TOM1L1: variants seen among roughly 807,000 people sequenced by gnomAD.
The protein encoded by TOM1L1 is TOM1-like protein 1.
Under a neutral mutation model 63.4 loss-of-function variants are expected in TOM1L1, and 64 were observed. That is an observed-to-expected ratio of 1.01 (90% CI 0.83 to 1.24). The LOEUF is 1.24. Ranked by LOEUF, TOM1L1 falls within the 50% of genes most tolerant of loss-of-function variation. The pLI is 0.00. For synonymous variants in TOM1L1, 166 were observed against 194.4 expected, an observed-to-expected ratio of 0.85 and a Z score of 1.22; for missense variants, 536 against 567.0, an observed-to-expected ratio of 0.95 and a Z score of 0.55.
At chr17:54,918,138 A>G (rs540053550) in intron 7 of TOM1L1, among the ~76,000 whole-genome samples, 6 of 152,262 alleles carry the variant, frequency 3.9e-5, no homozygotes, top group African/African-American at 1.4e-4. Context: ...GGCAGTACTC[A>G]CTGTGGGCAA....
chr17:54,927,542 A>T (rs2048788427), intron 7 of TOM1L1, among the ~76,000 whole-genome samples: 1 of 152,190 alleles, frequency 6.6e-6, no homozygotes, highest in East Asian at 1.9e-4. Flanking sequence ...TTTTGAATTG[A>T]TTGTTAAATT....
chr17:54,958,558 CT>C (rs2077014372), intron 14 of TOM1L1: 1 of 152,242 alleles, frequency 6.6e-6, no homozygotes, highest in Admixed American at 6.6e-5. Flanking sequence ...TGGCAAAACC[CT>C]GTCTCTACTA....
intron 10 of TOM1L1, 57 bp downstream of exon 10, chr17:54,937,283 C>A: frequency 1.5e-6 from 2 of 1,319,068 alleles, no homozygotes; most frequent in Non-Finnish European, 2.2e-6. Context: ...TTAAACAGTT[C>A]TCCTTAATTA....
At chr17:54,910,211 T>C (rs1335816131) in intron 3 of TOM1L1, among the ~76,000 whole-genome samples, 2 of 152,200 alleles carry the variant, frequency 1.3e-5, no homozygotes, top group African/African-American at 4.8e-5. Flanking sequence ...ATCCCAGCAC[T>C]TTGGGAGGCC....
chr17:54,935,783 GT>G (rs1425579241), intron 8 of TOM1L1, among the ~76,000 whole-genome samples: 2 of 152,062 alleles, frequency 1.3e-5, no homozygotes, highest in Non-Finnish European at 2.9e-5. Flanking sequence ...TTAAATCAGA[GT>G]TGTAGAAGGT....
rs1313282067 is a variant in TOM1L1 at position 54,961,237 on chromosome 17, G to T, written c.*4G>T. The T allele has an allele frequency of 2.6e-6, 4 of 1,532,420 alleles. No individual in the cohort carries two copies. The highest frequency in any genetic ancestry group is 3.5e-6 in the Non-Finnish European group (4 of 1,129,520). 94.9% of individuals were successfully genotyped at this position (1,532,420 alleles called of 1,614,324 possible). ...CCATTTTCTTCTCTTTATTTTAGAA[G>T]AAAGTGGATGATCAGCTCACTACCA... On this transcript the variant is annotated splice_region_variant and 3_prime_UTR_variant, in exon 16 of 16. Transcript: ENST00000575882.
At chr17:54,926,692 C>T (rs936903355) in intron 7 of TOM1L1, among the ~76,000 whole-genome samples, 5 of 151,736 alleles carry the variant, frequency 3.3e-5, no homozygotes, top group African/African-American at 9.7e-5. Flanking sequence ...TCCTCCCAGA[C>T]CATTCTTGTC....
chr17:54,937,145 C>G lies in TOM1L1; in HGVS notation c.952C>G (p.Leu318Val). The change falls in exon 10 of 16, where the codon CTC becomes GTC. Residue 318 changes from leucine (L) to valine (V), a missense_variant. Transcript: ENST00000575882. Reference protein sequence around the residue: ...SEPSAPSQDLLDLSPSPRMPR... With the variant: ...SEPSAPSQDLVDLSPSPRMPR... ...GCCTTCTGCCCCATCTCAAGATCTC[C>G]TCGACCTAAGTCCCAGTCCCCGGAT... 1 of 1,613,680 alleles carries G rather than the reference C, an allele frequency of 6.2e-7. No individual in the cohort carries two copies. The highest frequency in any genetic ancestry group is 8.5e-7 in the Non-Finnish European group (1 of 1,179,960).
chr17:54,922,535 C>A lies in TOM1L1; in HGVS notation c.720+6673C>A, dbSNP rs142514245. Among the ~76,000 whole-genome samples, 41 of 151,880 alleles carry A rather than the reference C, an allele frequency of 2.7e-4. No homozygotes were observed. In the East Asian group the frequency reaches 6.2e-3, roughly 23 times the overall value. On this transcript the variant is annotated intron_variant, in intron 7 of 15. Transcript: ENST00000575882. The stretch of plus-strand genomic sequence containing the variant: ...GGAGGATCGCTTGAACCTGGGAGGT[C>A]GAGGCTGCAGTAAACCGTGATTGCA...
intron 1 of TOM1L1, among the ~76,000 whole-genome samples, chr17:54,902,202 T>A (rs1159989499): frequency 1.3e-5 from 2 of 152,246 alleles, no homozygotes; most frequent in Non-Finnish European, 2.9e-5. Context: ...GAATTCTGCG[T>A]GGCTTTTGAA....
At chr17:54,947,800 A>G (rs1011503738) in intron 12 of TOM1L1, among the ~76,000 whole-genome samples, 1 of 152,128 alleles carries the variant, frequency 6.6e-6, no homozygotes, top group Non-Finnish European at 1.5e-5. Context: ...AGACTTTTCT[A>G]TCTACATTCA....
chr17:54,946,410 T>G (rs2049119896), intron 11 of TOM1L1, among the ~76,000 whole-genome samples: 1 of 152,198 alleles, frequency 6.6e-6, no homozygotes, highest in Non-Finnish European at 1.5e-5. Flanking sequence ...TCCTTGACTA[T>G]GCTTATGTCT....
intron 1 of TOM1L1, among the ~76,000 whole-genome samples, chr17:54,901,937 A>G (rs1266788316): frequency 6.6e-6 from 1 of 152,008 alleles, no homozygotes; most frequent in African/African-American, 2.4e-5. Flanking sequence ...CCAAGCAGAA[A>G]TGGATTCAGA....
chr17:54,950,066 A>T lies in TOM1L1; in HGVS notation c.1310A>T (p.Gln437Leu). Reference protein sequence around the residue: ...NHPAMTKSDLQPPNYYEVMEF... With the variant: ...NHPAMTKSDLLPPNYYEVMEF... The stretch of plus-strand genomic sequence containing the variant: ...AAAGCGATGACAAAAAGTGATCTCC[A>T]GCCACCTAATTACTACGAGGTAATG... The change falls in exon 14 of 16, where the codon CAG (glutamine) becomes CTG (leucine). Residue 437 changes from glutamine to leucine, a missense_variant. Physicochemically the swap from Gln to Leu is moderately radical, Grantham distance 113. Coordinates refer to ENST00000575882, the MANE Select transcript of TOM1L1 (RefSeq NM_005486.3). 1 of 1,614,032 alleles carries T rather than the reference A, an allele frequency of 6.2e-7. No homozygotes were observed. The highest frequency in any genetic ancestry group is 8.5e-7 in the Non-Finnish European group (1 of 1,179,944).
intron 3 of TOM1L1, among the ~76,000 whole-genome samples, chr17:54,912,387 G>T (rs932385462): frequency 6.6e-6 from 1 of 152,130 alleles, no homozygotes; most frequent in African/African-American, 2.4e-5. Context: ...TGGCCTGCAC[G>T]TCCCTTCAGC....
intron 11 of TOM1L1, among the ~76,000 whole-genome samples, chr17:54,940,496 T>C (rs945865960): frequency 1.3e-5 from 2 of 152,220 alleles, no homozygotes; most frequent in African/African-American, 4.8e-5. Context: ...TATACCACAC[T>C]TACACACAGT....
chr17:54,903,836 C>A, intron 2 of TOM1L1, 44 bp downstream of exon 2: 1 of 1,537,676 alleles, frequency 6.5e-7, no homozygotes, highest in Non-Finnish European at 9.0e-7. Context: ...TGACAAGAAG[C>A]ATCAGAACTA....
chr17:54,914,842 G>A lies in TOM1L1; in HGVS notation c.603+99G>A, dbSNP rs147507810. The A allele has an allele frequency of 7.1e-3, 6,514 of 922,232 alleles. 38 individuals are homozygous for A. The highest frequency in any genetic ancestry group is 8.6e-3 in the Non-Finnish European group (4,868 of 567,394). 57.1% of individuals were successfully genotyped at this position (922,232 alleles called of 1,614,324 possible). A position where few individuals can be genotyped will look rare whatever the true frequency, so the allele number is the denominator to read the frequency against. The stretch of plus-strand genomic sequence containing the variant: ...TTCTGGTTAACAACATTGAGATGTA[G>A]GTACACTCATTTCACAGAGGAAGAG... On this transcript the variant is annotated intron_variant, in intron 6 of 15. Coordinates refer to ENST00000575882, the MANE Select transcript of TOM1L1 (RefSeq NM_005486.3).
intron 8 of TOM1L1, among the ~76,000 whole-genome samples, chr17:54,931,671 C>T (rs769188690): frequency 2.6e-5 from 4 of 151,970 alleles, no homozygotes; most frequent in Non-Finnish European, 5.9e-5. Flanking sequence ...GGCATGGTGA[C>T]ACACGCCTTT....
Sources: allele counts gnomAD v4.1 joint callset (sites outside exome capture counted in the v4.1 genomes callset), GRCh38; gene constraint gnomAD v4.1.1; transcripts MANE v1.5; gene names NCBI Gene and HGNC (gene_info 2026-07-23, HGNC 2026-07-21).